SPRYD3: variants seen among roughly 807,000 people sequenced by gnomAD.
SPRYD3 encodes SPRY domain-containing protein 3.
Under a neutral mutation model 50.1 loss-of-function variants are expected in SPRYD3, and 17 were observed. The observed-to-expected ratio is 0.34, with a 90% CI of 0.23 to 0.51. The LOEUF (loss-of-function observed/expected upper bound fraction) is 0.51, where lower values mean the gene tolerates loss of function less well. Among genes scored for constraint, SPRYD3 ranks in the 20% least tolerant of loss-of-function variants. The probability of loss-of-function intolerance (pLI) is 0.97; values close to 1 mark genes in which losing one functional copy is unlikely to be tolerated. For synonymous variants in SPRYD3, 198 were observed against 215.5 expected (o/e 0.92, Z 0.71); for missense variants, 401 against 591.2 (o/e 0.68, Z 3.34).
chr12:53,071,684 C>G (rs1944550585), intron 6 of SPRYD3, among the ~76,000 whole-genome samples: 1 of 145,574 alleles, frequency 6.9e-6, no homozygotes, highest in Non-Finnish European at 1.5e-5. Context: ...CTGAAGTGAA[C>G]CAGCACTCCA....
In SPRYD3 at chr12:53,066,599, G is replaced by A. The variant is rs752330954; in HGVS notation, c.995C>T (p.Pro332Leu). 1.2e-6 allele frequency: 2 copies of A among 1,613,986 alleles called. No individual in the cohort carries two copies. Among genetic ancestry groups the A allele is most frequent in the Non-Finnish European group, 1.7e-6 (2 of 1,179,952 alleles). Reference protein sequence around the residue: ...GDIMGCGIMFPRDYILDSEGD... With the variant: ...GDIMGCGIMFLRDYILDSEGD... ...CTCACTGTCCAAAATGTAGTCCCGGGGGAACATGATTCCACAGCCCATGAT... is the reference window on the plus strand; with the variant it reads ...CTCACTGTCCAAAATGTAGTCCCGGAGGAACATGATTCCACAGCCCATGAT... Residue 332 changes from proline (P) to leucine (L), a missense_variant, in exon 9 of 11, where the codon CCC (proline) becomes CTC (leucine). Pro to Leu is a moderately conservative substitution (Grantham distance 98, BLOSUM62 -3). Transcript: ENST00000301463.
intron 6 of SPRYD3, 26 bp downstream of exon 6, chr12:53,073,260 C>CCGGGGGGCG: frequency 2.4e-6 from 1 of 416,308 alleles, no homozygotes; most frequent in Non-Finnish European, 4.4e-6. Flanking sequence ...GACCCAGCCC[C>CCGGGGGGCG]TCCCACCCTC....
intron 1 of SPRYD3, 105 bp downstream of exon 1, chr12:53,079,206 G>T: frequency 8.2e-7 from 1 of 1,225,442 alleles, no homozygotes; most frequent in Non-Finnish European, 1.2e-6. Context: ...CAGAGCGCAG[G>T]GCCCCGCCCC....
chr12:53,067,362 ATG>A (rs1426200885), intron 8 of SPRYD3, among the ~76,000 whole-genome samples: 1 of 152,098 alleles, frequency 6.6e-6, no homozygotes, highest in Admixed American at 6.5e-5. Context: ...AAAAAAGAAA[ATG>A]AGGAAATGAG....
chr12:53,070,255 C>T (rs1944539946), intron 6 of SPRYD3, among the ~76,000 whole-genome samples: 1 of 152,192 alleles, frequency 6.6e-6, no homozygotes, highest in African/African-American at 2.4e-5. Flanking sequence ...TGAAAGCCAT[C>T]ATAAACCTCC....
At chr12:53,072,138 A>T (rs1022908416) in intron 6 of SPRYD3, among the ~76,000 whole-genome samples, 14 of 152,304 alleles carry the variant, frequency 9.2e-5, no homozygotes, top group African/African-American at 3.4e-4. Context: ...CGCAGCCCCA[A>T]GTTTAACTCT....
chr12:53,075,894 C>T, intron 2 of SPRYD3, 83 bp from the exon 3 acceptor site: 1 of 1,035,958 alleles, frequency 9.7e-7, no homozygotes, highest in Non-Finnish European at 1.5e-6. Flanking sequence ...CACCCTTACC[C>T]TGCAAGGGCC....
chr12:53,078,178 C>CA (rs35123183), intron 1 of SPRYD3: 2,944 of 301,378 alleles, frequency 9.8e-3, no homozygotes, highest in South Asian at 0.014. Flanking sequence ...GACCCTGTCT[C>CA]AAAAAAAAAA....
At chr12:53,078,885 C>T (rs1229370569) in intron 1 of SPRYD3, among the ~76,000 whole-genome samples, 1 of 152,208 alleles carries the variant, frequency 6.6e-6, no homozygotes, top group Non-Finnish European at 1.5e-5. Flanking sequence ...CAAATTACGA[C>T]TCTTATGCAG....
chr12:53,065,590 C>G lies in SPRYD3; in HGVS notation c.*242G>C, dbSNP rs556612268. ...GAGTGGGACCACCCACATACCAACA[C>G]CATTCTTTGGGTCCATTCCTGTCCA... is the stretch of plus-strand genomic sequence containing the variant. On this transcript the variant is annotated 3_prime_UTR_variant, in exon 11 of 11. Transcript: ENST00000301463. 17 of 497,024 alleles carry G rather than the reference C, an allele frequency of 3.4e-5. No homozygotes were observed. The East Asian group carries it at 3.8e-4, about 11-fold the overall frequency. The allele number at this position is 497,024 out of a possible 1,614,324, so 30.8% of individuals were successfully genotyped here. A position where few individuals can be genotyped will look rare whatever the true frequency, so the allele number is the denominator to read the frequency against.
At chr12:53,069,504 G>T (rs2121199732) in intron 6 of SPRYD3, among the ~76,000 whole-genome samples, 1 of 152,324 alleles carries the variant, frequency 6.6e-6, no homozygotes, top group South Asian at 2.1e-4. Flanking sequence ...TAGCTCAGGT[G>T]CTTAGAGCGG....
At chr12:53,077,620 T>G (rs1031479985) in intron 1 of SPRYD3, among the ~76,000 whole-genome samples, 2 of 152,140 alleles carry the variant, frequency 1.3e-5, no homozygotes, top group Admixed American at 6.5e-5. Context: ...GCGGTCTCTC[T>G]GAGGAGGTGA....
At chr12:53,069,221 C>T (rs1256124824) in intron 6 of SPRYD3, among the ~76,000 whole-genome samples, 1 of 152,114 alleles carries the variant, frequency 6.6e-6, no homozygotes, top group Non-Finnish European at 1.5e-5. Context: ...TTCGGCCTCA[C>T]CTGGGATTCC....
At chr12:53,067,579 G>A (rs1944518848) in intron 8 of SPRYD3, 69 bp downstream of exon 8, 27 of 1,484,384 alleles carry the variant, frequency 1.8e-5, no homozygotes, top group Non-Finnish European at 2.4e-5. Context: ...CCAGGAGAGG[G>A]GAAAGTGGAT....
At position 53,074,967 on chromosome 12, in the gene SPRYD3, C is replaced by G; in HGVS notation, c.371+128G>C. ...TAAGCCTTCAAGGGTGCTGCCAGGC[C>G]ACTTCCCTGTCCTGACCAGAAAAGT... On this transcript the variant is annotated intron_variant, in intron 4 of 10. Transcript: ENST00000301463. This position sits in a 1 kb window ranked among gnomAD's most constrained non-coding sequence, Gnocchi z 4.6. 7.1e-7 allele frequency: 1 copy of G among 1,414,576 alleles called. No homozygotes were observed. Among genetic ancestry groups the G allele is most frequent in the East Asian group, 2.3e-5 (1 of 43,518 alleles). 87.6% of individuals were successfully genotyped at this position (1,414,576 alleles called of 1,614,324 possible). A position where few individuals can be genotyped will look rare whatever the true frequency, so the allele number is the denominator to read the frequency against.
chr12:53,067,021 G>A (rs188820080), intron 8 of SPRYD3, among the ~76,000 whole-genome samples: 1 of 150,482 alleles, frequency 6.6e-6, no homozygotes, highest in East Asian at 2.0e-4. Context: ...GAGGTGGGAG[G>A]ATCACTTGAG....
At chr12:53,077,005 G>T in intron 2 of SPRYD3, 110 bp downstream of exon 2, 1 of 1,034,172 alleles carries the variant, frequency 9.7e-7, no homozygotes, top group South Asian at 1.5e-5. Context: ...CCTTCCCTGT[G>T]CAGTGCACAG....
chr12:53,067,854 G>T (rs1014891642), intron 7 of SPRYD3, 149 bp from the exon 8 acceptor site: 1 of 784,620 alleles, frequency 1.3e-6, no homozygotes, highest in Non-Finnish European at 2.1e-6. Context: ...TGGGGCTTCA[G>T]GGGAACCAGG....
At chr12:53,067,751 A>G in intron 7 of SPRYD3, 46 bp from the exon 8 acceptor site, 1 of 1,563,162 alleles carries the variant, frequency 6.4e-7, no homozygotes. Context: ...ATGCATAAAC[A>G]AGACAGGAGA....
Sources: allele counts gnomAD v4.1 joint callset (sites outside exome capture counted in the v4.1 genomes callset), GRCh38; gene constraint gnomAD v4.1.1; non-coding constraint Gnocchi (gnomAD v3.1); transcripts MANE v1.5; gene names NCBI Gene and HGNC (gene_info 2026-07-23, HGNC 2026-07-21).